The following BMP6 variants were observed in gnomAD, a reference collection of about 807,000 sequenced individuals.
BMP6 encodes the protein VG-1-R.
A neutral mutation model predicts 54.1 loss-of-function variants in BMP6; 17 were observed. The ratio of observed to expected loss-of-function variants is 0.31; its 90% CI spans 0.22 to 0.47. The LOEUF is 0.47. Ranked by LOEUF, BMP6 falls within the 20% of genes least tolerant of loss-of-function variation. The pLI is 1.00. For synonymous variants in BMP6, 328 were observed against 291.2 expected (o/e 1.13, Z -1.28); for missense variants, 720 against 690.4 (o/e 1.04, Z -0.48).
At chr6:7,782,602 T>TG (rs1324989210) in intron 1 of BMP6, among the ~76,000 whole-genome samples, 17 of 152,052 alleles carry the variant, frequency 1.1e-4, no homozygotes, top group South Asian at 2.1e-4. Context: ...CCCAGCTACC[T>TG]GGGGGGCAGG....
intron 1 of BMP6, among the ~76,000 whole-genome samples, chr6:7,832,053 G>A (rs1758801406): frequency 6.6e-6 from 1 of 152,164 alleles, no homozygotes; most frequent in East Asian, 1.9e-4. Flanking sequence ...CACGCAAACA[G>A]CTGATCGTTT....
At chr6:7,861,709 G>C in intron 3 of BMP6, 110 bp downstream of exon 3, 1 of 1,455,466 alleles carries the variant, frequency 6.9e-7, no homozygotes, top group South Asian at 1.3e-5. Context: ...CTCAGCTTCA[G>C]GATGGCCTCA....
chr6:7,815,602 A>G (rs367831655), intron 1 of BMP6, among the ~76,000 whole-genome samples: 6 of 152,266 alleles, frequency 3.9e-5, no homozygotes, highest in South Asian at 2.1e-4. Flanking sequence ...CAGTATTATG[A>G]AAACATTTTG....
intron 1 of BMP6, among the ~76,000 whole-genome samples, chr6:7,770,561 T>C (rs183894759): frequency 6.6e-6 from 1 of 152,364 alleles, no homozygotes; most frequent in Non-Finnish European, 1.5e-5. Flanking sequence ...GATGTAAATA[T>C]GTGTACTTGG....
intron 1 of BMP6, among the ~76,000 whole-genome samples, chr6:7,836,688 G>T (rs898199338): frequency 3.3e-5 from 5 of 152,162 alleles, no homozygotes; most frequent in Non-Finnish European, 7.3e-5. Context: ...AGAAAAAATA[G>T]ATTATTCTTG....
intron 5 of BMP6, among the ~76,000 whole-genome samples, 198 bp downstream of exon 5, chr6:7,879,348 G>A (rs537863173): frequency 4.6e-5 from 7 of 152,232 alleles, no homozygotes; most frequent in East Asian, 1.9e-4. Flanking sequence ...GGCACCAGGC[G>A]CTCCAACACC....
At chr6:7,735,840 C>T (rs1044543529) in intron 1 of BMP6, among the ~76,000 whole-genome samples, 5 of 152,084 alleles carry the variant, frequency 3.3e-5, no homozygotes, top group African/African-American at 4.8e-5. Flanking sequence ...TGTTATCCAC[C>T]GCTATAGTAT....
chr6:7,775,097 A>G (rs969752799), intron 1 of BMP6, among the ~76,000 whole-genome samples: 1 of 152,160 alleles, frequency 6.6e-6, no homozygotes, highest in Non-Finnish European at 1.5e-5. Context: ...TCGTGACCTA[A>G]TCACCTCTTA....
chr6:7,790,891 C>T (rs917368432), intron 1 of BMP6, among the ~76,000 whole-genome samples: 1 of 152,236 alleles, frequency 6.6e-6, no homozygotes, highest in Admixed American at 6.5e-5. Flanking sequence ...TCTAGCCTCA[C>T]AAATCCACTT....
chr6:7,727,951 T>C (rs1761776389), intron 1 of BMP6, among the ~76,000 whole-genome samples: 1 of 151,714 alleles, frequency 6.6e-6, no homozygotes, highest in Non-Finnish European at 1.5e-5. Flanking sequence ...TCTGCCCAGC[T>C]CTGGCCAGGT....
chr6:7,812,364 T>C (rs1320996552), intron 1 of BMP6, among the ~76,000 whole-genome samples: 1 of 152,210 alleles, frequency 6.6e-6, no homozygotes, highest in Non-Finnish European at 1.5e-5. Context: ...TTTGGGCAAC[T>C]GAAATTTACA....
Position 7,761,121 on chromosome 6 carries a change from T to C in BMP6, c.664+33502T>C, listed in dbSNP as rs569299373. 6.6e-5 allele frequency among the ~76,000 whole-genome samples: 10 copies of C among 152,352 alleles called. No individual in the cohort carries two copies. The South Asian group carries it at 1.7e-3, about 25-fold the overall frequency. ...TCAAGATTCAAGCTTTCTTCTCTTATTTTATGCTTTTCTATGTCACATTTC... is the reference window on the plus strand; with the variant it reads ...TCAAGATTCAAGCTTTCTTCTCTTACTTTATGCTTTTCTATGTCACATTTC... On this transcript the variant is annotated intron_variant, in intron 1 of 6. Coordinates refer to ENST00000283147, the MANE Select transcript of BMP6 (RefSeq NM_001718.6).
intron 1 of BMP6, among the ~76,000 whole-genome samples, chr6:7,800,721 G>T (rs192701500): frequency 2.0e-5 from 3 of 152,222 alleles, no homozygotes; most frequent in African/African-American, 7.2e-5. Context: ...ATTTCCATAT[G>T]CAGGAGCATG....
At chr6:7,859,841 T>C (rs1206193127) in intron 2 of BMP6, among the ~76,000 whole-genome samples, 1 of 152,180 alleles carries the variant, frequency 6.6e-6, no homozygotes, top group Non-Finnish European at 1.5e-5. Flanking sequence ...GACTTTTAAC[T>C]GTGCCTACTG....
At chr6:7,785,935 A>T (rs982661651) in intron 1 of BMP6, among the ~76,000 whole-genome samples, 2 of 148,660 alleles carry the variant, frequency 1.3e-5, no homozygotes, top group Non-Finnish European at 3.0e-5. Context: ...AACCTTTATT[A>T]AAAAAAAAAA....
chr6:7,856,120 TAAAAAA>T (rs56264814), intron 2 of BMP6, among the ~76,000 whole-genome samples: 1,894 of 83,668 alleles, frequency 0.023, 48 homozygotes, highest in African/African-American at 0.08. Flanking sequence ...TCAAAGACTG[TAAAAAA>T]AAAAAAAAAA....
chr6:7,862,546 G>A, intron 4 of BMP6, 48 bp downstream of exon 4: 1 of 1,605,996 alleles, frequency 6.2e-7, no homozygotes, highest in Non-Finnish European at 8.5e-7. Context: ...GTTGGCCTCA[G>A]TGAGAACAAA....
At chr6:7,861,620 C>G in intron 3 of BMP6, 21 bp downstream of exon 3, 1 of 1,612,992 alleles carries the variant, frequency 6.2e-7, no homozygotes, top group African/African-American at 1.3e-5. Context: ...ATCCGCAAGC[C>G]TCCAACGTCC....
At chr6:7,860,386 C>G (rs982240931) in intron 2 of BMP6, among the ~76,000 whole-genome samples, 1 of 152,164 alleles carries the variant, frequency 6.6e-6, no homozygotes, top group African/African-American at 2.4e-5. Context: ...AAATATAGCC[C>G]TCCCTGTCAT....
Sources: gnomAD v4.1 joint callset for allele counts (sites outside exome capture counted in the v4.1 genomes callset) on GRCh38, gnomAD v4.1.1 for gene constraint, MANE v1.5 for transcripts, NCBI Gene and HGNC (gene_info 2026-07-23, HGNC 2026-07-21) for gene names.